Variants in FBXL13 observed in about 807,000 individuals in gnomAD.
The protein encoded by FBXL13 is F-box and leucine-rich repeat protein 13.
In FBXL13, 67 loss-of-function variants were observed where a neutral mutation model predicts 83.6. The ratio of observed to expected loss-of-function variants is 0.80; its 90% CI spans 0.66 to 0.98. The LOEUF is 0.98. Ranked by LOEUF, FBXL13 falls within the 50% of genes least tolerant of loss-of-function variation. The pLI, the probability that FBXL13 is intolerant of heterozygous loss-of-function variation, is 0.00. For missense variants in FBXL13, 822 were observed against 866.5 expected (o/e 0.95, Z 0.64); for synonymous variants, 272 against 299.5 (o/e 0.91, Z 0.95).
At chr7:103,052,756 C>CTTTTTTT (rs67278019) in intron 2 of FBXL13, among the ~76,000 whole-genome samples, 1 of 134,308 alleles carries the variant, frequency 7.4e-6, no homozygotes. Context: ...AATTCCTTTT[C>CTTTTTTT]TTTTTTTTTT....
intron 11 of FBXL13, among the ~76,000 whole-genome samples, chr7:102,904,944 T>C (rs1297292339): frequency 6.6e-6 from 1 of 152,184 alleles, no homozygotes; most frequent in Non-Finnish European, 1.5e-5. Context: ...GCTATTAATT[T>C]CTAGTTTTAT....
At chr7:103,045,368 C>T (rs1399181510) in intron 2 of FBXL13, among the ~76,000 whole-genome samples, 1 of 152,218 alleles carries the variant, frequency 6.6e-6, no homozygotes, top group Non-Finnish European at 1.5e-5. Context: ...GGGAATCCTT[C>T]TCAGGCCACA....
intron 11 of FBXL13, among the ~76,000 whole-genome samples, chr7:102,896,441 C>T (rs935481499): frequency 6.6e-6 from 1 of 152,196 alleles, no homozygotes; most frequent in Non-Finnish European, 1.5e-5. Flanking sequence ...TAGTCAACTG[C>T]ACTTCCTAAC....
chr7:103,043,784 G>C (rs966878779), intron 2 of FBXL13, among the ~76,000 whole-genome samples: 5 of 152,194 alleles, frequency 3.3e-5, no homozygotes, highest in African/African-American at 1.2e-4. Flanking sequence ...AAAGTGCTGG[G>C]ATTACAGGTG....
chr7:102,975,849 G>T (rs777372442), intron 6 of FBXL13: 1 of 682,630 alleles, frequency 1.5e-6, no homozygotes, highest in Non-Finnish European at 2.6e-6. Flanking sequence ...AAAGTAAAAG[G>T]CAAAAACAGG....
chr7:102,842,215 T>G (rs1012245385), intron 17 of FBXL13, among the ~76,000 whole-genome samples: 3 of 152,234 alleles, frequency 2.0e-5, no homozygotes, highest in Non-Finnish European at 4.4e-5. Flanking sequence ...AAAGTCATTT[T>G]GGAAAGGAGT....
At chr7:102,995,084 A>G (rs1312270390) in intron 6 of FBXL13, among the ~76,000 whole-genome samples, 1 of 152,160 alleles carries the variant, frequency 6.6e-6, no homozygotes, top group African/African-American at 2.4e-5. Flanking sequence ...TAGCTTGATC[A>G]TGCTATGGTT....
intron 16 of FBXL13, among the ~76,000 whole-genome samples, chr7:102,867,367 CCAAA>C (rs1466722318): frequency 3.4e-5 from 5 of 147,408 alleles, no homozygotes; most frequent in South Asian, 2.3e-4. Flanking sequence ...CCAAAAAAAC[CCAAA>C]CAAACAAACA....
intron 6 of FBXL13, among the ~76,000 whole-genome samples, chr7:102,991,095 T>C (rs1829513660): frequency 6.6e-6 from 1 of 152,176 alleles, no homozygotes; most frequent in South Asian, 2.1e-4. Flanking sequence ...TTGAATTTGA[T>C]AGTAATGTCA....
rs116892710 is a variant in FBXL13 at position 103,016,015 on chromosome 7, A to G, written c.495+9048T>C. On this transcript the variant is annotated intron_variant, in intron 6 of 19. Coordinates refer to ENST00000313221, the Ensembl canonical transcript of FBXL13. Reference sequence around the variant, plus strand: ...CTGCAAGAAAGAAAACAGAGATGACACAAACAAATGGATAAACAATCCATG... The same window carrying G: ...CTGCAAGAAAGAAAACAGAGATGACGCAAACAAATGGATAAACAATCCATG... 3.5e-4 allele frequency among the ~76,000 whole-genome samples: 54 copies of G among 152,306 alleles called. No individual in the cohort carries two copies. The East Asian group carries it at 6.8e-3, about 19-fold the overall frequency.
intron 10 of FBXL13, among the ~76,000 whole-genome samples, chr7:102,917,638 T>C (rs757274269): frequency 6.6e-6 from 1 of 152,152 alleles, no homozygotes; most frequent in African/African-American, 2.4e-5. Context: ...TTGGGAAACC[T>C]AGGCAGAGAA....
At chr7:102,961,619 T>C (rs1484156333) in intron 8 of FBXL13, among the ~76,000 whole-genome samples, 5 of 151,790 alleles carry the variant, frequency 3.3e-5, no homozygotes, top group African/African-American at 1.2e-4. Context: ...AACAGCATGG[T>C]ACTGGTACCA....
At chr7:103,024,853 ATATATT>A (rs1793695711) in intron 6 of FBXL13, among the ~76,000 whole-genome samples, 1 of 88,214 alleles carries the variant, frequency 1.1e-5, no homozygotes, top group South Asian at 4.0e-4. Context: ...ATATATATAT[ATATATT>A]TTTTTTTTTT....
intron 6 of FBXL13, among the ~76,000 whole-genome samples, chr7:102,969,952 G>A (rs1460883858): frequency 1.3e-5 from 2 of 151,994 alleles, no homozygotes; most frequent in African/African-American, 4.8e-5. Flanking sequence ...ATCTAGCCTG[G>A]TATCAAAAAG....
chr7:102,925,364 C>T (rs1817921168), intron 10 of FBXL13, among the ~76,000 whole-genome samples: 1 of 152,182 alleles, frequency 6.6e-6, no homozygotes, highest in African/African-American at 2.4e-5. Context: ...CATTGCATTG[C>T]AGCCTGGGTG....
chr7:102,969,922 G>A (rs1411040625), intron 6 of FBXL13, among the ~76,000 whole-genome samples: 1 of 151,806 alleles, frequency 6.6e-6, no homozygotes, highest in Non-Finnish European at 1.5e-5. Context: ...CAACCATACT[G>A]GCAAAAGAAA....
At chr7:102,918,888 A>G (rs1816434905) in intron 10 of FBXL13, among the ~76,000 whole-genome samples, 1 of 152,234 alleles carries the variant, frequency 6.6e-6, no homozygotes, top group African/African-American at 2.4e-5. Context: ...ACATGTACAT[A>G]TATTCATATA....
chr7:102,948,419 GATTT>G (rs1402528999), intron 8 of FBXL13, among the ~76,000 whole-genome samples: 2 of 151,572 alleles, frequency 1.3e-5, no homozygotes, highest in African/African-American at 4.8e-5. Context: ...GCCTTTTAAG[GATTT>G]ATTTATTTTC....
chr7:103,011,441 C>T (rs1791607538), intron 6 of FBXL13, among the ~76,000 whole-genome samples: 1 of 151,938 alleles, frequency 6.6e-6, no homozygotes, highest in Admixed American at 6.6e-5. Context: ...TCGAGACCAG[C>T]CTGGCCAACA....
Sources: gnomAD v4.1 joint callset for allele counts (sites outside exome capture counted in the v4.1 genomes callset) on GRCh38, gnomAD v4.1.1 for gene constraint, MANE v1.5 for transcripts, NCBI Gene and HGNC (gene_info 2026-07-23, HGNC 2026-07-21) for gene names.